Variants in ELP1 observed in about 807,000 individuals in gnomAD.
ELP1 encodes elongator complex protein 1.
ELP1 carries 131 observed loss-of-function variants against 183.2 expected under a neutral mutation model. The observed-to-expected ratio is 0.72, with a 90% CI of 0.62 to 0.83. The LOEUF (loss-of-function observed/expected upper bound fraction) is 0.83, where lower values mean the gene tolerates loss of function less well. Ranked by LOEUF, ELP1 falls within the 40% of genes least tolerant of loss-of-function variation. ELP1 has a pLI of 0.00. For synonymous variants in ELP1, 555 were observed against 569.0 expected (o/e 0.98, Z 0.35); for missense variants, 1,550 against 1,594.9 (o/e 0.97, Z 0.48).
chr9:108,889,557 A>C, intron 28 of ELP1, 164 bp from the exon 29 acceptor site: 1 of 689,864 alleles, frequency 1.4e-6, no homozygotes, highest in South Asian at 1.6e-5. Flanking sequence ...GGCAGCTAGA[A>C]TCTAAATTTA....
At position 108,908,544 on chromosome 9, in the gene ELP1, T is replaced by C. The variant is rs838823; in HGVS notation, c.1361-140A>G. On this transcript the variant is annotated intron_variant, in intron 12 of 36. Transcript: ENST00000374647. Reference sequence around the variant, plus strand: ...AATCACATCTCAACCTCCTTAAAATTTCTGCTTTCCTCTTAAGAACACATC... The same window carrying C: ...AATCACATCTCAACCTCCTTAAAATCTCTGCTTTCCTCTTAAGAACACATC... The C allele has an allele frequency of 0.94, 657,047 of 695,748 alleles. 310,560 individuals carry two copies. The highest frequency in any genetic ancestry group is 1 in the East Asian group (37,125 of 37,132). 43.1% of individuals were successfully genotyped at this position (695,748 alleles called of 1,614,324 possible). A position where few individuals can be genotyped will look rare whatever the true frequency, so the allele number is the denominator to read the frequency against.
chr9:108,878,312 T>G (rs1197829184), intron 34 of ELP1, among the ~76,000 whole-genome samples, 163 bp from the exon 35 acceptor site: 5 of 152,156 alleles, frequency 3.3e-5, no homozygotes, highest in African/African-American at 1.2e-4. Flanking sequence ...ATTAAACACA[T>G]GTACTACAAA....
chr9:108,908,353 C>T lies in ELP1; in HGVS notation c.1412G>A (p.Ser471Asn). 2 of 1,614,196 alleles carry T rather than the reference C, an allele frequency of 1.2e-6. No homozygotes were observed. Among genetic ancestry groups the T allele is most frequent in the Non-Finnish European group, 1.7e-6 (2 of 1,180,018 alleles). ...AGTTCTAAGGCAAACTTTAAATCCA[C>T]TTCCACCCACAGCTCCCAGTTTCAC... ...PTVKLGAVGG[S>N]GFKVCLRTPH... Residue 471 changes from serine (S) to asparagine (N), a missense_variant, in exon 13 of 37, where the codon AGT becomes AAT. Ser to Asn is a conservative substitution (Grantham distance 46). Coordinates refer to ENST00000374647, the MANE Select transcript of ELP1 (RefSeq NM_003640.5).
At chr9:108,901,573 A>G (rs901778823) in intron 17 of ELP1, 43 bp from the exon 18 acceptor site, 1 of 1,607,652 alleles carries the variant, frequency 6.2e-7, no homozygotes, top group African/African-American at 1.3e-5. Flanking sequence ...AGCTAGCTAG[A>G]TTACTCGGAG....
rs1231418805 is a variant in ELP1, at chr9:108,918,845, G to T, written c.706C>A (p.Pro236Thr). The T allele has an allele frequency of 8.1e-6, 13 of 1,613,948 alleles. No homozygotes were observed. Among genetic ancestry groups the T allele is most frequent in the Non-Finnish European group, 1.1e-5 (13 of 1,179,948 alleles). ...AGGGCTGGTCCCAGTCCTGCCACAG[G>T]CTCACTGGTTGACTGCAAAGCAAAC... ...REFALQSTSEPVAGLGPALAW... is the reference protein window; with the variant it reads ...REFALQSTSETVAGLGPALAW... The change falls in exon 8 of 37, where the codon CCT (proline) becomes ACT (threonine). Residue 236 changes from proline (P) to threonine (T), a missense_variant. Pro to Thr is a conservative substitution (Grantham distance 38, BLOSUM62 -1). Coordinates refer to ENST00000374647, the MANE Select transcript of ELP1 (RefSeq NM_003640.5).
chr9:108,883,715 G>C (rs1828017429), intron 29 of ELP1, among the ~76,000 whole-genome samples: 1 of 152,140 alleles, frequency 6.6e-6, no homozygotes, highest in Admixed American at 6.5e-5. Flanking sequence ...ATTATCTGAA[G>C]ATATGGTCAG....
At chr9:108,928,152 A>G (rs118040782) in intron 3 of ELP1, among the ~76,000 whole-genome samples, 2,394 of 152,336 alleles carry the variant, frequency 0.016, 30 homozygotes, top group Non-Finnish European at 0.025. Flanking sequence ...CCATAAATAT[A>G]TGTACCTACT....
At chr9:108,902,528 TTC>T (rs1828849334) in intron 16 of ELP1, among the ~76,000 whole-genome samples, 1 of 152,232 alleles carries the variant, frequency 6.6e-6, no homozygotes, top group African/African-American at 2.4e-5. Flanking sequence ...ACTAAAACTA[TTC>T]TCAAGATCAC....
At chr9:108,913,440 T>C (rs939015536) in intron 10 of ELP1, among the ~76,000 whole-genome samples, 1 of 152,204 alleles carries the variant, frequency 6.6e-6, no homozygotes, top group African/African-American at 2.4e-5. Flanking sequence ...TTAGTTATAT[T>C]AGGAATTATA....
At chr9:108,921,742 G>A (rs1253869501) in intron 6 of ELP1, among the ~76,000 whole-genome samples, 5 of 152,110 alleles carry the variant, frequency 3.3e-5, no homozygotes, top group Non-Finnish European at 7.4e-5. Context: ...GTTCTAATAA[G>A]TCAATAGCTT....
intron 28 of ELP1, among the ~76,000 whole-genome samples, chr9:108,889,996 T>G (rs955222138): frequency 6.6e-6 from 1 of 152,208 alleles, no homozygotes. Flanking sequence ...TGTGTAACAT[T>G]TCTCAAACAT....
chr9:108,914,764 T>G (rs1335724375), intron 10 of ELP1, among the ~76,000 whole-genome samples: 1 of 152,124 alleles, frequency 6.6e-6, no homozygotes, highest in African/African-American at 2.4e-5. Context: ...TAGCTGGGAC[T>G]ACAGGCGCCT....
chr9:108,933,488 A>G (rs1200727345), intron 1 of ELP1, among the ~76,000 whole-genome samples: 1 of 151,992 alleles, frequency 6.6e-6, no homozygotes, highest in Non-Finnish European at 1.5e-5. Context: ...AGAGGACACC[A>G]CCTCCACGAA....
At chr9:108,912,756 T>G (rs1277094822) in intron 10 of ELP1, among the ~76,000 whole-genome samples, 4 of 150,464 alleles carry the variant, frequency 2.7e-5, no homozygotes, top group South Asian at 2.1e-4. Flanking sequence ...TATTTTCGTT[T>G]TTTTTTTTTT....
intron 34 of ELP1, 45 bp from the exon 35 acceptor site, chr9:108,878,194 T>C (rs1212290841): frequency 5.9e-6 from 9 of 1,536,402 alleles, no homozygotes; most frequent in Non-Finnish European, 8.1e-6. Context: ...TATTCCCAGC[T>C]CCATTGACAG....
chr9:108,903,045 CTTTT>C (rs1828872008), intron 15 of ELP1, 103 bp from the exon 16 acceptor site: 1 of 744,930 alleles, frequency 1.3e-6, no homozygotes, highest in Non-Finnish European at 2.4e-6. Flanking sequence ...ATTTCAATCA[CTTTT>C]TTTCTCTAAT....
chr9:108,916,502 T>C (rs1054389337), intron 9 of ELP1, among the ~76,000 whole-genome samples: 9 of 152,130 alleles, frequency 5.9e-5, no homozygotes, highest in African/African-American at 1.9e-4. Flanking sequence ...AGAAATACAT[T>C]ATGCTTAAAG....
chr9:108,908,518 T>C, intron 12 of ELP1, 114 bp from the exon 13 acceptor site: 1 of 765,190 alleles, frequency 1.3e-6, no homozygotes, highest in Admixed American at 2.0e-5. Flanking sequence ...ATCTAGAAAA[T>C]AATCACATCT....
chr9:108,881,686 T>C lies in ELP1; in HGVS notation c.3346+19A>G, dbSNP rs1211213421. On this transcript the variant is annotated intron_variant, in intron 31 of 36. Coordinates refer to ENST00000374647, the MANE Select transcript of ELP1 (RefSeq NM_003640.5). ...ACCTTCTTCCAAATGAGGAATTCTA[T>C]CTAAAATGGAACCCTCACCTTCTAA... 6.7e-7 allele frequency: 1 copy of C among 1,481,700 alleles called. No individual in the cohort carries two copies. Among genetic ancestry groups the C allele is most frequent in the South Asian group, 1.1e-5 (1 of 88,324 alleles). The allele number at this position is 1,481,700 out of a possible 1,614,324, so 91.8% of individuals were successfully genotyped here.
Sources: gnomAD v4.1 joint callset for allele counts (sites outside exome capture counted in the v4.1 genomes callset) on GRCh38, gnomAD v4.1.1 for gene constraint, MANE v1.5 for transcripts, NCBI Gene and HGNC (gene_info 2026-07-23, HGNC 2026-07-21) for gene names.